Variants in YIPF3 observed in about 807,000 individuals in gnomAD.
YIPF3 encodes Yip1 domain family member 3, also known as protein YIPF3.
Under a neutral mutation model 40.3 loss-of-function variants are expected in YIPF3, and 18 were observed. The observed-to-expected ratio is 0.45, with a 90% CI of 0.31 to 0.66. The LOEUF (loss-of-function observed/expected upper bound fraction) is 0.66, where lower values mean the gene tolerates loss of function less well. YIPF3 is among the 30% of genes least tolerant of loss of function. The pLI is 0.07. For synonymous variants in YIPF3, 190 were observed against 179.6 expected, an observed-to-expected ratio of 1.06 and a Z score of -0.46; for missense variants, 406 against 452.2, an observed-to-expected ratio of 0.90 and a Z score of 0.93.
At chr6:43,513,806 C>T in intron 3 of YIPF3, 173 bp from the exon 4 acceptor site, 1 of 561,902 alleles carries the variant, frequency 1.8e-6, no homozygotes, top group Non-Finnish European at 2.9e-6. Context: ...ATGAGGAAAT[C>T]ATTTCCTTGC....
Position 43,511,941 on chromosome 6 carries a change from G to A in YIPF3, c.*226C>T, listed in dbSNP as rs1321498795. 6 of 604,868 alleles carry A rather than the reference G, an allele frequency of 9.9e-6. No homozygotes were observed. The highest frequency in any genetic ancestry group is 1.7e-5 in the Non-Finnish European group (6 of 361,474). 37.5% of individuals were successfully genotyped at this position (604,868 alleles called of 1,614,324 possible). A position where few individuals can be genotyped will look rare whatever the true frequency, so the allele number is the denominator to read the frequency against. On this transcript the variant is annotated 3_prime_UTR_variant, in exon 9 of 9. Transcript: ENST00000372422. The stretch of plus-strand genomic sequence containing the variant: ...GTGGGGAGGGGTTCTCAAAGGAGCT[G>A]ACCCATTTTCTGCATTGGCTGCAGA...
intron 3 of YIPF3, among the ~76,000 whole-genome samples, chr6:43,514,985 C>T (rs1186465260): frequency 1.3e-5 from 2 of 150,836 alleles, no homozygotes; most frequent in African/African-American, 2.4e-5. Context: ...TAGAGGCAAG[C>T]GCAGAGTTCT....
Position 43,515,365 on chromosome 6 carries a change from G to A in YIPF3, c.395+230C>T, listed in dbSNP as rs781120423. 2.7e-5 allele frequency: 17 copies of A among 628,496 alleles called. No homozygotes were observed. In the East Asian group the frequency reaches 4.6e-4, roughly 17 times the overall value. The allele number at this position is 628,496 out of a possible 1,614,324, so 38.9% of individuals were successfully genotyped here. On this transcript the variant is annotated intron_variant, in intron 3 of 8. Transcript: ENST00000372422. Reference sequence around the variant, plus strand: ...TGGGATTGAGGAATGTGGAACAGAGGAAGTGACATCTGAGGTAGGTTTTGA... The same window carrying A: ...TGGGATTGAGGAATGTGGAACAGAGAAAGTGACATCTGAGGTAGGTTTTGA...
chr6:43,515,511 G>C, intron 3 of YIPF3, 84 bp downstream of exon 3: 5 of 1,430,040 alleles, frequency 3.5e-6, no homozygotes, highest in Non-Finnish European at 4.9e-6. Flanking sequence ...GAGCCCATCA[G>C]AGCCCAGGGC....
chr6:43,513,555 C>A, intron 4 of YIPF3, 33 bp downstream of exon 4: 1 of 1,595,698 alleles, frequency 6.3e-7, no homozygotes, highest in East Asian at 2.2e-5. Flanking sequence ...TGGTGCTTCC[C>A]CCGGCTCTCC....
At chr6:43,513,798 GAGGAA>G in intron 3 of YIPF3, 165 bp from the exon 4 acceptor site, 1 of 590,492 alleles carries the variant, frequency 1.7e-6, no homozygotes. Context: ...GATAGGGAAT[GAGGAA>G]ATCATTTCCT....
At chr6:43,514,065 C>A (rs933087639) in intron 3 of YIPF3, among the ~76,000 whole-genome samples, 5 of 152,192 alleles carry the variant, frequency 3.3e-5, no homozygotes, top group Non-Finnish European at 5.9e-5. Flanking sequence ...TATGGTGAAA[C>A]CCTGTCTCTA....
rs917854611 is a variant in YIPF3 at position 43,513,688 on chromosome 6, G to C, written c.396-55C>G. The C allele has an allele frequency of 3.3e-6, 5 of 1,497,996 alleles. No individual in the cohort carries two copies. The East Asian group carries it at 1.1e-4, about 34-fold the overall frequency. The allele number at this position is 1,497,996 out of a possible 1,614,324, so 92.8% of individuals were successfully genotyped here. ...AGGCAGCACAAGGCCATGAGGTTCT[G>C]GAGGGCAAGGCCTGAATTTTATTCA... is the stretch of plus-strand genomic sequence containing the variant. On this transcript the variant is annotated intron_variant, in intron 3 of 8. Coordinates refer to ENST00000372422, the MANE Select transcript of YIPF3 (RefSeq NM_015388.4).
chr6:43,515,421 G>A (rs918604888), intron 3 of YIPF3, 174 bp downstream of exon 3: 5 of 708,870 alleles, frequency 7.1e-6, no homozygotes, highest in South Asian at 1.5e-5. Flanking sequence ...AGATGGAAAA[G>A]AAGAGGAAGA....
Position 43,516,010 on chromosome 6 carries a change from C to G in YIPF3, c.167G>C (p.Arg56Pro), listed in dbSNP as rs749875306. Residue 56 changes from arginine to proline, a missense_variant, in exon 2 of 9, where the codon CGC (arginine) becomes CCC (proline). Coordinates refer to ENST00000372422, the MANE Select transcript of YIPF3 (RefSeq NM_015388.4). ...AGCGTCTACTTCTTCCTCGCGCAGG[C>G]GCTGATGCAGCTCACCCATATCCTC... ...SFEDMGELHQ[R>P]LREEEVDADA... The G allele has an allele frequency of 6.2e-7, 1 of 1,614,272 alleles. No homozygotes were observed.
Position 43,515,629 on chromosome 6 carries a change from A to G in YIPF3, c.361T>C (p.Tyr121His). Reference sequence around the variant, plus strand: ...ACCTGAGCAGGCTCCACATCAAAGTAGGGTCTGAGGATGTCGATGTTGGCG... The same window carrying G: ...ACCTGAGCAGGCTCCACATCAAAGTGGGGTCTGAGGATGTCGATGTTGGCG... ...LYANIDILRP[Y>H]FDVEPAQVRS... Residue 121 changes from tyrosine (Y) to histidine (H), a missense_variant, in exon 3 of 9, where the codon TAC becomes CAC. Tyr to His is a moderately conservative substitution (Grantham distance 83, BLOSUM62 2). Transcript: ENST00000372422. 1 of 1,613,730 alleles carries G rather than the reference A, an allele frequency of 6.2e-7. No homozygotes were observed. Among genetic ancestry groups the G allele is most frequent in the African/African-American group, 1.3e-5 (1 of 75,020 alleles).
In YIPF3 at chr6:43,512,027, C is replaced by A. The variant is rs1055822158; in HGVS notation, c.*140G>T. 5.9e-6 allele frequency: 8 copies of A among 1,357,184 alleles called. No individual in the cohort carries two copies. The highest frequency in any genetic ancestry group is 1.5e-5 in the African/African-American group (1 of 68,762). The allele number at this position is 1,357,184 out of a possible 1,614,324, so 84.1% of individuals were successfully genotyped here. Reference sequence around the variant, plus strand: ...GCCTTTCAGAAGTGCCGACAGGCATCAAGGAGGTACTTACGCAGCTACAGC... The same window carrying A: ...GCCTTTCAGAAGTGCCGACAGGCATAAAGGAGGTACTTACGCAGCTACAGC... On this transcript the variant is annotated 3_prime_UTR_variant, in exon 9 of 9. Coordinates refer to ENST00000372422, the MANE Select transcript of YIPF3 (RefSeq NM_015388.4).
At position 43,512,264 on chromosome 6, in the gene YIPF3, G is replaced by A; in HGVS notation, c.956C>T (p.Pro319Leu). ...AGGGAGCATGGCAGGGATGTCTCTGGGGACCCTCTGGATGGGCGGGATGTT... is the reference window on the plus strand; with the variant it reads ...AGGGAGCATGGCAGGGATGTCTCTGAGGACCCTCTGGATGGGCGGGATGTT... ...GPNIPPIQRV[P>L]RDIPAMLPAA... The change falls in exon 9 of 9, where the codon CCC becomes CTC. Residue 319 changes from proline to leucine, a missense_variant. Physicochemically the swap from Pro to Leu is moderately conservative, Grantham distance 98. Coordinates refer to ENST00000372422, the MANE Select transcript of YIPF3 (RefSeq NM_015388.4). 1 of 1,613,060 alleles carries A rather than the reference G, an allele frequency of 6.2e-7. No individual in the cohort carries two copies. Among genetic ancestry groups the A allele is most frequent in the Non-Finnish European group, 8.5e-7 (1 of 1,179,424 alleles).
rs956541689 is a variant in YIPF3 at position 43,513,648 on chromosome 6, G to C, written c.396-15C>G. ...ACTCCAGGAGCCTGGGAGAGGAGAGGAGAGATTAAAGCAAAGGCAGCACAA... is the reference window on the plus strand; with the variant it reads ...ACTCCAGGAGCCTGGGAGAGGAGAGCAGAGATTAAAGCAAAGGCAGCACAA... On this transcript the variant is annotated splice_polypyrimidine_tract_variant and intron_variant, in intron 3 of 8. Transcript: ENST00000372422. The C allele has an allele frequency of 4.5e-6, 7 of 1,541,252 alleles. No homozygotes were observed. The African/African-American group carries it at 9.7e-5, about 21-fold the overall frequency.
chr6:43,513,574 C>T lies in YIPF3; in HGVS notation c.441+14G>A, dbSNP rs769431577. On this transcript the variant is annotated intron_variant, in intron 4 of 8. Transcript: ENST00000372422. ...GCTTCCCCCGGCTCTCCAGACATGC[C>T]ACCCTCTATTCACCTGGGGGAAGTT... 2 of 1,589,532 alleles carry T rather than the reference C, an allele frequency of 1.3e-6. No individual in the cohort carries two copies. Among genetic ancestry groups the T allele is most frequent in the Admixed American group, 1.7e-5 (1 of 57,874 alleles).
Position 43,512,209 on chromosome 6 carries a change from G to A in YIPF3, c.1011C>T (p.Asn337=), listed in dbSNP as rs1300550369. ...TCACCGCAACAGCTTTGGCTGTGGC[G>A]TTGAGGACGGTGGTGGGAAGCCGAG... ...PAARLPTTVL[N]ATAKAVAVTL... is the part of the protein sequence containing the mutation. The change falls in exon 9 of 9, where the codon AAC becomes AAT. Residue 337 remains asparagine, a synonymous_variant. Transcript: ENST00000372422. 15 of 1,614,094 alleles carry A rather than the reference G, an allele frequency of 9.3e-6. No homozygotes were observed. The highest frequency in any genetic ancestry group is 2.7e-5 in the African/African-American group (2 of 74,940).
At chr6:43,513,272 G>T in intron 5 of YIPF3, 72 bp from the exon 6 acceptor site, 2 of 1,612,894 alleles carry the variant, frequency 1.2e-6, no homozygotes, top group East Asian at 2.2e-5. Context: ...TTCCGCAGGG[G>T]CTGTTCCTGT....
chr6:43,516,741 C>G lies in YIPF3; in HGVS notation c.67G>C (p.Glu23Gln). The G allele has an allele frequency of 1.2e-6, 2 of 1,611,750 alleles. No individual in the cohort carries two copies. Among genetic ancestry groups the G allele is most frequent in the Non-Finnish European group, 1.7e-6 (2 of 1,179,112 alleles). Reference sequence around the variant, plus strand: ...GGGGCCATTACCTGGATGTTTTCTTCGAACCCTCCCCATTCCGGGCCAGCT... The same window carrying G: ...GGGGCCATTACCTGGATGTTTTCTTGGAACCCTCCCCATTCCGGGCCAGCT... ...NGAGPEWGGF[E>Q]ENIQGGGSAV... Residue 23 changes from glutamate (E) to glutamine (Q), a missense_variant, in exon 1 of 9, where the codon GAA (glutamate) becomes CAA (glutamine). Coordinates refer to ENST00000372422, the MANE Select transcript of YIPF3 (RefSeq NM_015388.4).
chr6:43,516,423 A>C, intron 1 of YIPF3: 2 of 618,390 alleles, frequency 3.2e-6, no homozygotes, highest in Non-Finnish European at 5.5e-6. Context: ...GTTTTCAGCG[A>C]ATGCCAGTGA....
Sources: allele counts gnomAD v4.1 joint callset (sites outside exome capture counted in the v4.1 genomes callset), GRCh38; gene constraint gnomAD v4.1.1; transcripts MANE v1.5; gene names NCBI Gene and HGNC (gene_info 2026-07-23, HGNC 2026-07-21).